The following GPC6 variants were observed in gnomAD, a reference collection of about 807,000 sequenced individuals.
GPC6 encodes glypican-6.
Under a neutral mutation model 55.2 loss-of-function variants are expected in GPC6, and 14 were observed. That is an observed-to-expected ratio of 0.25 (90% confidence interval 0.17 to 0.40). GPC6 has a LOEUF of 0.40. Among genes scored for constraint, GPC6 ranks in the 10% least tolerant of loss-of-function variants. The pLI is 1.00. For synonymous variants in GPC6, 278 were observed against 259.6 expected (o/e 1.07, Z -0.68); for missense variants, 641 against 708.5 (o/e 0.90, Z 1.08).
chr13:93,713,962 G>T (rs1466087975), intron 2 of GPC6, among the ~76,000 whole-genome samples: 1 of 151,712 alleles, frequency 6.6e-6, no homozygotes, highest in Non-Finnish European at 1.5e-5. Context: ...TTAAGTGTAA[G>T]ACCTCAAACT....
chr13:94,304,711 G>A (rs1875850813), intron 5 of GPC6, among the ~76,000 whole-genome samples: 1 of 152,180 alleles, frequency 6.6e-6, no homozygotes, highest in South Asian at 2.1e-4. Flanking sequence ...AACAGCAAAG[G>A]AAGTGTCTCC....
intron 2 of GPC6, among the ~76,000 whole-genome samples, chr13:93,581,974 G>C (rs1157166564): frequency 6.6e-6 from 1 of 152,156 alleles, no homozygotes; most frequent in Admixed American, 6.5e-5. Context: ...GGGTTGTTAA[G>C]AGCTTAATGC....
At chr13:94,169,342 G>A (rs993784952) in intron 4 of GPC6, among the ~76,000 whole-genome samples, 1 of 152,100 alleles carries the variant, frequency 6.6e-6, no homozygotes, top group African/African-American at 2.4e-5. Flanking sequence ...GCAGGCAAAG[G>A]ATTTTAAATA....
chr13:94,148,615 A>G (rs554740501), intron 4 of GPC6, among the ~76,000 whole-genome samples: 25 of 152,286 alleles, frequency 1.6e-4, no homozygotes, highest in Non-Finnish European at 2.5e-4. Flanking sequence ...AACTGTAGCG[A>G]CCATTACATG....
At chr13:93,868,396 A>G (rs943958646) in intron 3 of GPC6, among the ~76,000 whole-genome samples, 3 of 151,810 alleles carry the variant, frequency 2.0e-5, no homozygotes, top group Non-Finnish European at 2.9e-5. Flanking sequence ...TAATAATTCA[A>G]TTAATGATTG....
Position 94,087,612 on chromosome 13 carries a change from T to G in GPC6, c.877+59718T>G, listed in dbSNP as rs560303775. Among the ~76,000 whole-genome samples, 3 of 152,360 alleles carry G rather than the reference T, an allele frequency of 2.0e-5. No homozygotes were observed. In the South Asian group the frequency reaches 6.2e-4, roughly 32 times the overall value. ...ACAGGCTATTGATAAAGATAATGAC[T>G]GCTCAAGAGAGATTTAGTAACCTGC... On this transcript the variant is annotated intron_variant, in intron 4 of 8. Coordinates refer to ENST00000377047, the MANE Select transcript of GPC6 (RefSeq NM_005708.5).
At chr13:93,238,016 T>C (rs1000489275) in intron 1 of GPC6, among the ~76,000 whole-genome samples, 2 of 152,190 alleles carry the variant, frequency 1.3e-5, no homozygotes, top group Non-Finnish European at 2.9e-5. Flanking sequence ...TTCAGCTTTG[T>C]TCTTTTTGCT....
chr13:93,409,517 G>A (rs1035007512), intron 1 of GPC6, among the ~76,000 whole-genome samples: 2 of 152,132 alleles, frequency 1.3e-5, no homozygotes, highest in Non-Finnish European at 2.9e-5. Context: ...CTCAACTAGG[G>A]ATGGCAAGTG....
At chr13:93,747,625 G>A (rs1376540523) in intron 2 of GPC6, among the ~76,000 whole-genome samples, 3 of 152,080 alleles carry the variant, frequency 2.0e-5, no homozygotes, top group Non-Finnish European at 2.9e-5. Context: ...TCACTTTTAG[G>A]GCAGTATTCA....
At chr13:93,434,266 A>G (rs931302786) in intron 1 of GPC6, among the ~76,000 whole-genome samples, 1 of 152,186 alleles carries the variant, frequency 6.6e-6, no homozygotes, top group South Asian at 2.1e-4. Flanking sequence ...CGGTTCAGCT[A>G]CTACATAGCA....
intron 2 of GPC6, among the ~76,000 whole-genome samples, chr13:93,767,847 A>T (rs1003440720): frequency 2.0e-5 from 3 of 152,192 alleles, no homozygotes; most frequent in African/African-American, 7.2e-5. Context: ...AGATGAGGAA[A>T]CATCTGATGT....
At chr13:93,929,544 A>G (rs1878046427) in intron 3 of GPC6, among the ~76,000 whole-genome samples, 1 of 152,182 alleles carries the variant, frequency 6.6e-6, no homozygotes, top group South Asian at 2.1e-4. Context: ...GGGTTTTAGA[A>G]CTTGGGATCT....
intron 3 of GPC6, among the ~76,000 whole-genome samples, chr13:93,909,911 A>G (rs1315355844): frequency 1.3e-5 from 2 of 151,906 alleles, no homozygotes; most frequent in Non-Finnish European, 2.9e-5. Context: ...GTTCCATCCA[A>G]TCAACAACGT....
chr13:93,998,297 T>C (rs188312333), intron 3 of GPC6, among the ~76,000 whole-genome samples: 1 of 152,310 alleles, frequency 6.6e-6, no homozygotes, highest in East Asian at 1.9e-4. Context: ...ATTTCCTTGA[T>C]TGTAAGTTTA....
intron 2 of GPC6, among the ~76,000 whole-genome samples, chr13:93,820,671 GTTT>G (rs371044734): frequency 1.6e-4 from 23 of 144,730 alleles, no homozygotes; most frequent in Admixed American, 1.5e-3. Flanking sequence ...TCAAAGTAGG[GTTT>G]TTTTTTTTTA....
intron 2 of GPC6, among the ~76,000 whole-genome samples, chr13:93,588,367 AGTGTGTGT>A (rs71123497): frequency 1.8e-3 from 273 of 150,496 alleles, no homozygotes; most frequent in African/African-American, 6.3e-3. Context: ...GTGGCTATTA[AGTGTGTGT>A]GTGTGTGTGT....
At chr13:93,829,701 A>C (rs1223464748) in intron 2 of GPC6, among the ~76,000 whole-genome samples, 2 of 152,210 alleles carry the variant, frequency 1.3e-5, no homozygotes, top group Non-Finnish European at 2.9e-5. Flanking sequence ...CATCTCATTT[A>C]TGGACTATTT....
chr13:93,676,126 A>AAATAT (rs1881602576), intron 2 of GPC6, among the ~76,000 whole-genome samples: 2 of 15,686 alleles, frequency 1.3e-4, no homozygotes, highest in African/African-American at 2.5e-4. Context: ...AAAAAAAAAA[A>AAATAT]ATATATATAT....
At chr13:94,252,513 A>G (rs1218371267) in intron 4 of GPC6, among the ~76,000 whole-genome samples, 1 of 152,060 alleles carries the variant, frequency 6.6e-6, no homozygotes, top group Non-Finnish European at 1.5e-5. Flanking sequence ...GAAGCTGTGT[A>G]TGTCGGATAA....
Sources: allele counts gnomAD v4.1 joint callset (sites outside exome capture counted in the v4.1 genomes callset), GRCh38; gene constraint gnomAD v4.1.1; transcripts MANE v1.5; gene names NCBI Gene and HGNC (gene_info 2026-07-23, HGNC 2026-07-21).